ZNF410: variants seen among roughly 807,000 people sequenced by gnomAD.
ZNF410 encodes another partner for ARF 1.
A neutral mutation model predicts 54.8 loss-of-function variants in ZNF410; 18 were observed. The observed-to-expected ratio is 0.33, with a 90% CI of 0.23 to 0.49. The LOEUF (loss-of-function observed/expected upper bound fraction) is 0.49. Ranked by LOEUF, ZNF410 falls within the 20% of genes least tolerant of loss-of-function variation. The probability of loss-of-function intolerance (pLI) is 0.99; values close to 1 mark genes in which losing one functional copy is unlikely to be tolerated. For synonymous variants in ZNF410, 191 were observed against 207.3 expected (o/e 0.92, Z 0.68); for missense variants, 405 against 569.6 (o/e 0.71, Z 2.94).
chr14:73,919,248 C>G (rs765608632), intron 8 of ZNF410, among the ~76,000 whole-genome samples: 2 of 151,816 alleles, frequency 1.3e-5, no homozygotes, highest in African/African-American at 4.8e-5. Flanking sequence ...CTGCCCGCCT[C>G]GGCCTCCCAA....
chr14:73,898,211 A>G lies in ZNF410; in HGVS notation c.529A>G (p.Ile177Val). The G allele has an allele frequency of 6.2e-7, 1 of 1,614,130 alleles. No homozygotes were observed. The highest frequency in any genetic ancestry group is 8.5e-7 in the Non-Finnish European group (1 of 1,180,032). ...TCAGGAGTTGGCCCATGACAGTTTG[A>G]TTGCTGCTACTCGTGCACAACTGGC... is the stretch of plus-strand genomic sequence containing the variant. Reference protein sequence around the residue: ...RVQELAHDSLIAATRAQLAKN... With the variant: ...RVQELAHDSLVAATRAQLAKN... The change falls in exon 5 of 12, where the codon ATT becomes GTT. Residue 177 changes from isoleucine (I) to valine (V), a missense_variant. Around this residue, in one of 3 missense-constraint regions of ZNF410, gnomAD observed 247 missense variants for 342.8 expected, o/e 0.72. Transcript: ENST00000555044.
At chr14:73,930,453 G>A (rs971662401) in intron 11 of ZNF410, among the ~76,000 whole-genome samples, 5 of 150,312 alleles carry the variant, frequency 3.3e-5, no homozygotes, top group African/African-American at 1.2e-4. Flanking sequence ...ATGAGCCATG[G>A]TGCCCAGCCC....
At chr14:73,912,870 CT>C (rs371094338) in intron 8 of ZNF410, among the ~76,000 whole-genome samples, 9,111 of 143,710 alleles carry the variant, frequency 0.063, 345 homozygotes, top group African/African-American at 0.11. Context: ...TTAGTAGTTT[CT>C]TTTTTTTTTT....
At chr14:73,905,942 T>TAC (rs1322750179) in intron 7 of ZNF410, among the ~76,000 whole-genome samples, 7 of 89,458 alleles carry the variant, frequency 7.8e-5, no homozygotes, top group African/African-American at 4.3e-4. Flanking sequence ...CATACATATA[T>TAC]ATACACACAC....
Position 73,932,028 on chromosome 14 carries a change from C to G in ZNF410, c.*487C>G, listed in dbSNP as rs774900380. On this transcript the variant is annotated 3_prime_UTR_variant, in exon 12 of 12. Coordinates refer to ENST00000555044, the MANE Select transcript of ZNF410 (RefSeq NM_021188.3). ...GATGTCAATTCTCTTGTTACATTCT[C>G]CCTTTAGCAACCTGAGTAAGAGACT... is the stretch of plus-strand genomic sequence containing the variant. 4.4e-6 allele frequency: 2 copies of G among 456,444 alleles called. No individual in the cohort carries two copies. Among genetic ancestry groups the G allele is most frequent in the Non-Finnish European group, 8.8e-6 (2 of 226,774 alleles). 28.3% of individuals were successfully genotyped at this position (456,444 alleles called of 1,614,324 possible). A position where few individuals can be genotyped will look rare whatever the true frequency, so the allele number is the denominator to read the frequency against.
chr14:73,902,802 T>G (rs1036065617), intron 5 of ZNF410, among the ~76,000 whole-genome samples: 6 of 152,310 alleles, frequency 3.9e-5, no homozygotes, highest in African/African-American at 1.4e-4. Context: ...TATATAAAAA[T>G]TTTTAAGTAA....
At position 73,925,872 on chromosome 14, in the gene ZNF410, A is replaced by T. The variant is rs2055821885; in HGVS notation, c.1398+2350A>T. 2.6e-5 allele frequency among the ~76,000 whole-genome samples: 4 copies of T among 152,168 alleles called. No homozygotes were observed. In the South Asian group the frequency reaches 8.3e-4, roughly 32 times the overall value. ...CATAAGACCCCTATCTCTACAAAAA[A>T]TACAAAAAAAAATTAGCGGGACGTG... is the stretch of plus-strand genomic sequence containing the variant. On this transcript the variant is annotated intron_variant, in intron 11 of 11. Coordinates refer to ENST00000555044, the MANE Select transcript of ZNF410 (RefSeq NM_021188.3).
At chr14:73,903,137 G>GTTTT (rs1594751920) in intron 5 of ZNF410, among the ~76,000 whole-genome samples, 2 of 152,256 alleles carry the variant, frequency 1.3e-5, no homozygotes, top group East Asian at 3.9e-4. Context: ...TTTTTTGTTT[G>GTTTT]TTTGTTTTTG....
intron 1 of ZNF410, among the ~76,000 whole-genome samples, chr14:73,889,836 G>A (rs1217523547): frequency 2.1e-5 from 3 of 142,792 alleles, no homozygotes; most frequent in East Asian, 2.1e-4. Context: ...TTGCTCTGTC[G>A]CCCGGGCTGG....
chr14:73,922,457 A>G (rs779633428), intron 10 of ZNF410: 3 of 265,006 alleles, frequency 1.1e-5, no homozygotes, highest in Admixed American at 9.6e-5. Context: ...TAATCCTAGC[A>G]TCCTAGCCCA....
At chr14:73,906,427 C>T (rs1208226323) in intron 7 of ZNF410, 1 of 152,010 alleles carries the variant, frequency 6.6e-6, no homozygotes, top group Non-Finnish European at 1.5e-5. Context: ...TCAGACCAGC[C>T]CATTGTTGTA....
At chr14:73,903,919 AG>A (rs1461334438) in intron 5 of ZNF410, 40 bp from the exon 6 acceptor site, 1 of 1,611,582 alleles carries the variant, frequency 6.2e-7, no homozygotes, top group East Asian at 2.2e-5. Context: ...GTATCTGAGT[AG>A]GGTCTTTCCC....
chr14:73,909,205 A>G (rs2055538119), intron 7 of ZNF410, 136 bp from the exon 8 acceptor site: 3 of 705,396 alleles, frequency 4.3e-6, no homozygotes, highest in Non-Finnish European at 7.1e-6. Flanking sequence ...TAGGTAGCCC[A>G]GTTGAAATTA....
intron 7 of ZNF410, among the ~76,000 whole-genome samples, chr14:73,907,853 A>G (rs959607281): frequency 2.6e-5 from 4 of 151,854 alleles, no homozygotes; most frequent in Non-Finnish European, 5.9e-5. Flanking sequence ...AGATTGTGCC[A>G]TTGTACTCCA....
At chr14:73,896,110 T>C (rs1299185421) in intron 3 of ZNF410, 1 of 558,742 alleles carries the variant, frequency 1.8e-6, no homozygotes, top group Non-Finnish European at 3.2e-6. Flanking sequence ...CAGAGAATTC[T>C]GTTCCTCACG....
intron 1 of ZNF410, chr14:73,888,268 G>A (rs2055174618): frequency 6.6e-6 from 1 of 152,192 alleles, no homozygotes; most frequent in African/African-American, 2.4e-5. Flanking sequence ...TTTGGACATT[G>A]TTAGGTTTGA....
chr14:73,907,098 T>G (rs1261777084), intron 7 of ZNF410, among the ~76,000 whole-genome samples: 2 of 152,218 alleles, frequency 1.3e-5, no homozygotes, highest in Non-Finnish European at 2.9e-5. Flanking sequence ...ATGCATTAGA[T>G]ACTGTACTTA....
intron 8 of ZNF410, among the ~76,000 whole-genome samples, chr14:73,911,416 A>T (rs1241142939): frequency 6.6e-6 from 1 of 152,182 alleles, no homozygotes; most frequent in Non-Finnish European, 1.5e-5. Flanking sequence ...GGAGCAAGGA[A>T]GTTGGAGAGT....
At chr14:73,911,002 G>A (rs528846482) in intron 8 of ZNF410, among the ~76,000 whole-genome samples, 1 of 152,072 alleles carries the variant, frequency 6.6e-6, no homozygotes. Context: ...GACTAGCCTT[G>A]TAAGTTTGTT....
Sources: allele counts gnomAD v4.1 joint callset (sites outside exome capture counted in the v4.1 genomes callset), GRCh38; gene constraint gnomAD v4.1.1; regional missense constraint gnomAD v4.1.1; transcripts MANE v1.5; gene names NCBI Gene and HGNC (gene_info 2026-07-23, HGNC 2026-07-21).